Variants in GRIK4 observed in about 807,000 individuals in gnomAD.
GRIK4 encodes the protein glutamate ionotropic receptor kainate type subunit 4, also known as glutamate receptor ionotropic, kainate 4.
In GRIK4, 40 loss-of-function variants were observed where a neutral mutation model predicts 104.9. The ratio of observed to expected loss-of-function variants is 0.38; its 90% CI spans 0.30 to 0.50. GRIK4 has a LOEUF of 0.50. GRIK4 is among the 20% of genes least tolerant of loss of function. The pLI, the probability that GRIK4 is intolerant of heterozygous loss-of-function variation, is 0.93. For missense variants in GRIK4, 1,047 were observed against 1,308.1 expected, an observed-to-expected ratio of 0.80 and a Z score of 3.08; for synonymous variants, 485 against 524.9, an observed-to-expected ratio of 0.92 and a Z score of 1.04.
At chr11:120,916,102 T>A (rs898735450) in intron 13 of GRIK4, among the ~76,000 whole-genome samples, 5 of 152,178 alleles carry the variant, frequency 3.3e-5, no homozygotes, top group African/African-American at 1.2e-4. Flanking sequence ...AGGAGGTGGC[T>A]CTGAGTGGCC....
In GRIK4 at chr11:120,952,428, G is replaced by A. The variant is rs554278240; in HGVS notation, c.1591-427G>A. ...AAACCCAGAGACTCCGGTTGTATTA[G>A]CATCCTGGTGAAAAAGATGTGAGTG... On this transcript the variant is annotated intron_variant, in intron 14 of 20. Coordinates refer to ENST00000527524, the MANE Select transcript of GRIK4 (RefSeq NM_014619.5). The surrounding 1 kb of genome is among the most constrained non-coding windows in gnomAD (Gnocchi z 5.2). 1.3e-5 allele frequency among the ~76,000 whole-genome samples: 2 copies of A among 152,302 alleles called. No homozygotes were observed. The highest frequency in any genetic ancestry group is 6.5e-5 in the Admixed American group (1 of 15,306).
chr11:120,812,128 G>A (rs1321941063), intron 4 of GRIK4, among the ~76,000 whole-genome samples: 5 of 152,352 alleles, frequency 3.3e-5, no homozygotes, highest in African/African-American at 7.2e-5. Context: ...GGCAGTAGAC[G>A]TAGGAAGGAA....
At chr11:120,803,518 A>G (rs1174716557) in intron 4 of GRIK4, among the ~76,000 whole-genome samples, 4 of 151,764 alleles carry the variant, frequency 2.6e-5, no homozygotes, top group Non-Finnish European at 5.9e-5. Flanking sequence ...GCTCACTGCA[A>G]CCTCTGCCTC....
intron 3 of GRIK4, among the ~76,000 whole-genome samples, chr11:120,768,197 A>G (rs1245192082): frequency 6.6e-6 from 1 of 151,890 alleles, no homozygotes; most frequent in Admixed American, 6.6e-5. Context: ...ATATCTTTCC[A>G]TTTATTTGTT....
intron 3 of GRIK4, among the ~76,000 whole-genome samples, chr11:120,733,746 T>TC (rs1246101771): frequency 0.013 from 2,017 of 150,904 alleles, 46 homozygotes; most frequent in African/African-American, 0.045. Flanking sequence ...CTTTTTTTTT[T>TC]TTTTTTTTTG....
At chr11:120,576,774 T>A (rs1364729576) in intron 1 of GRIK4, among the ~76,000 whole-genome samples, 1 of 152,102 alleles carries the variant, frequency 6.6e-6, no homozygotes, top group Non-Finnish European at 1.5e-5. Flanking sequence ...GCTGGATAGA[T>A]CCCCATAGAG....
intron 3 of GRIK4, among the ~76,000 whole-genome samples, chr11:120,786,424 T>G (rs1276903868): frequency 6.6e-6 from 1 of 152,222 alleles, no homozygotes; most frequent in Non-Finnish European, 1.5e-5. Context: ...GCTAACCCAT[T>G]GGACAGCTTT....
At chr11:120,649,097 G>A (rs73578304) in intron 1 of GRIK4, among the ~76,000 whole-genome samples, 3,748 of 152,200 alleles carry the variant, frequency 0.025, 163 homozygotes, top group African/African-American at 0.085. Flanking sequence ...AGGCAATTCC[G>A]AGAGACTATT....
intron 11 of GRIK4, among the ~76,000 whole-genome samples, chr11:120,891,198 C>T (rs1326713999): frequency 6.6e-6 from 1 of 152,162 alleles, no homozygotes; most frequent in Non-Finnish European, 1.5e-5. Flanking sequence ...AGCCTGTGGG[C>T]CTCCAGGACT....
At chr11:120,554,315 T>G (rs1948167383) in intron 1 of GRIK4, among the ~76,000 whole-genome samples, 2 of 152,204 alleles carry the variant, frequency 1.3e-5, no homozygotes, top group South Asian at 4.1e-4. Context: ...ATTAACTATC[T>G]TTAGCTGTGA....
chr11:120,872,203 C>T (rs1954627722), intron 9 of GRIK4: 1 of 308,986 alleles, frequency 3.2e-6, no homozygotes, highest in Non-Finnish European at 6.4e-6. Context: ...ACTGCTGCTT[C>T]TCTTTTACAG....
chr11:120,748,082 C>T (rs2135419039), intron 3 of GRIK4, among the ~76,000 whole-genome samples: 1 of 152,326 alleles, frequency 6.6e-6, no homozygotes, highest in Admixed American at 6.5e-5. Context: ...TGTGATTCTG[C>T]TCTGAGGAGC....
At chr11:120,626,159 A>G (rs991225254) in intron 1 of GRIK4, among the ~76,000 whole-genome samples, 2 of 152,176 alleles carry the variant, frequency 1.3e-5, no homozygotes, top group Non-Finnish European at 2.9e-5. Flanking sequence ...ACATAAAAAT[A>G]TTATGTACAT....
chr11:120,715,481 G>A lies in GRIK4; in HGVS notation c.82+55081G>A, dbSNP rs1180525647. ...GGTTGTTCTGTGAATGCAGATGAAGGACCCCTGGCCTAAAGTGTGTTCCAC... is the reference window on the plus strand; with the variant it reads ...GGTTGTTCTGTGAATGCAGATGAAGAACCCCTGGCCTAAAGTGTGTTCCAC... On this transcript the variant is annotated intron_variant, in intron 3 of 20. Transcript: ENST00000527524. Among the ~76,000 whole-genome samples, 3 of 152,146 alleles carry A rather than the reference G, an allele frequency of 2.0e-5. No homozygotes were observed. The East Asian group carries it at 5.8e-4, about 29-fold the overall frequency.
intron 1 of GRIK4, among the ~76,000 whole-genome samples, chr11:120,539,909 A>G (rs531300068): frequency 6.6e-6 from 1 of 152,306 alleles, no homozygotes; most frequent in South Asian, 2.1e-4. Flanking sequence ...CAATGTTAAA[A>G]TAATTGAGTT....
At chr11:120,695,424 T>C (rs1451362642) in intron 3 of GRIK4, among the ~76,000 whole-genome samples, 1 of 152,226 alleles carries the variant, frequency 6.6e-6, no homozygotes, top group Non-Finnish European at 1.5e-5. Context: ...GACACACATT[T>C]CATGCAGGCC....
At chr11:120,631,139 G>A (rs551525267) in intron 1 of GRIK4, among the ~76,000 whole-genome samples, 38 of 152,332 alleles carry the variant, frequency 2.5e-4, no homozygotes, top group Admixed American at 9.1e-4. Context: ...CACGGTGTCC[G>A]GCTGCTACGC....
At chr11:120,842,145 A>AT (rs371406138) in intron 8 of GRIK4, among the ~76,000 whole-genome samples, 72 of 152,352 alleles carry the variant, frequency 4.7e-4, no homozygotes, top group African/African-American at 1.7e-3. Context: ...GCTATAACAG[A>AT]TAAACCCCCA....
chr11:120,669,775 C>T (rs1442110811), intron 3 of GRIK4, among the ~76,000 whole-genome samples: 1 of 152,258 alleles, frequency 6.6e-6, no homozygotes, highest in African/African-American at 2.4e-5. Flanking sequence ...GGATGTGCCT[C>T]AGGGCCCGGT....
Sources: gnomAD v4.1 joint callset for allele counts (sites outside exome capture counted in the v4.1 genomes callset) on GRCh38, gnomAD v4.1.1 for gene constraint, Gnocchi (gnomAD v3.1) non-coding constraint, MANE v1.5 for transcripts, NCBI Gene and HGNC (gene_info 2026-07-23, HGNC 2026-07-21) for gene names.